TMEM232: variants seen among roughly 807,000 people sequenced by gnomAD.
The protein encoded by TMEM232 is transmembrane protein 232.
TMEM232 carries 80 observed loss-of-function variants against 78.8 expected under a neutral mutation model. The observed-to-expected ratio is 1.01, with a 90% confidence interval of 0.85 to 1.22. The LOEUF (loss-of-function observed/expected upper bound fraction) is 1.22, where lower values mean the gene tolerates loss of function less well. Among genes scored for constraint, TMEM232 ranks in the 50% most tolerant of loss-of-function variants. TMEM232 has a pLI of 0.00. For missense variants in TMEM232, 881 were observed against 742.2 expected, an observed-to-expected ratio of 1.19 and a Z score of -2.17; for synonymous variants, 297 against 254.3, an observed-to-expected ratio of 1.17 and a Z score of -1.60.
At chr5:110,571,998 C>A (rs368926619) in intron 10 of TMEM232, among the ~76,000 whole-genome samples, 2 of 152,014 alleles carry the variant, frequency 1.3e-5, no homozygotes, top group South Asian at 2.1e-4. Context: ...CAATGGGCAG[C>A]AGGAGATTGG....
At chr5:110,588,523 G>A (rs559244676) in intron 10 of TMEM232, among the ~76,000 whole-genome samples, 4 of 152,264 alleles carry the variant, frequency 2.6e-5, no homozygotes, top group Non-Finnish European at 5.9e-5. Flanking sequence ...GCAAAGAGAT[G>A]AGAGATGACA....
chr5:110,568,692 A>G, intron 10 of TMEM232, 67 bp from the exon 11 acceptor site: 2 of 1,380,482 alleles, frequency 1.4e-6, no homozygotes, highest in Non-Finnish European at 1.9e-6. Context: ...TGATTGTGTG[A>G]AACAGAATAA....
chr5:110,463,542 C>CTT (rs1447911858), intron 12 of TMEM232, among the ~76,000 whole-genome samples: 1 of 152,138 alleles, frequency 6.6e-6, no homozygotes, highest in Non-Finnish European at 1.5e-5. Flanking sequence ...ATATTCTAAA[C>CTT]TTTATATGCT....
intron 2 of TMEM232, among the ~76,000 whole-genome samples, chr5:110,403,099 T>C (rs1755664571): frequency 6.6e-6 from 1 of 152,106 alleles, no homozygotes; most frequent in African/African-American, 2.4e-5. Flanking sequence ...CTTTCATGGA[T>C]ATAGGGCCAT....
At chr5:110,597,185 A>AT (rs1040485756) in intron 10 of TMEM232, among the ~76,000 whole-genome samples, 10 of 152,206 alleles carry the variant, frequency 6.6e-5, no homozygotes, top group Admixed American at 5.9e-4. Context: ...TACAATATCA[A>AT]TGTACAAAAA....
At chr5:110,634,340 A>C (rs1308373324) in intron 5 of TMEM232, among the ~76,000 whole-genome samples, 1 of 152,178 alleles carries the variant, frequency 6.6e-6, no homozygotes, top group Non-Finnish European at 1.5e-5. Context: ...CTTTAGACCA[A>C]ATGGACATTA....
intron 10 of TMEM232, among the ~76,000 whole-genome samples, chr5:110,592,960 T>C (rs1055576369): frequency 3.9e-5 from 6 of 152,198 alleles, no homozygotes; most frequent in African/African-American, 1.4e-4. Flanking sequence ...TTGCTCACCA[T>C]ACAAGTATCT....
chr5:110,471,683 C>T (rs1336825595), intron 12 of TMEM232, among the ~76,000 whole-genome samples: 1 of 151,318 alleles, frequency 6.6e-6, no homozygotes, highest in East Asian at 1.9e-4. Context: ...ACCAGTCCTT[C>T]ATTAATGAGA....
At chr5:110,732,599 A>C (rs1443219154) in intron 2 of TMEM232, among the ~76,000 whole-genome samples, 1 of 152,200 alleles carries the variant, frequency 6.6e-6, no homozygotes, top group East Asian at 1.9e-4. Flanking sequence ...CTTATTCACT[A>C]TCAAGAGAAT....
At chr5:110,441,931 T>C (rs1759090034) in intron 12 of TMEM232, among the ~76,000 whole-genome samples, 1 of 152,164 alleles carries the variant, frequency 6.6e-6, no homozygotes, top group Admixed American at 6.5e-5. Flanking sequence ...TTTAGCACTT[T>C]AAACATGTCA....
At chr5:110,709,522 T>C (rs1050824549) in intron 1 of TMEM232, among the ~76,000 whole-genome samples, 2 of 152,068 alleles carry the variant, frequency 1.3e-5, no homozygotes, top group African/African-American at 4.8e-5. Flanking sequence ...AAAATGAAAT[T>C]GTAATCAGGC....
intron 11 of TMEM232, among the ~76,000 whole-genome samples, chr5:110,553,028 C>T (rs1028650378): frequency 6.6e-6 from 1 of 152,136 alleles, no homozygotes; most frequent in African/African-American, 2.4e-5. Flanking sequence ...TCAACTTTAT[C>T]AAAGATCAGA....
At chr5:110,701,429 T>C (rs1795429289) in intron 1 of TMEM232, among the ~76,000 whole-genome samples, 2 of 151,950 alleles carry the variant, frequency 1.3e-5, no homozygotes, top group South Asian at 4.1e-4. Flanking sequence ...CTTATTTCAG[T>C]CTTTGTAATA....
chr5:110,441,677 G>C (rs1175432512), intron 12 of TMEM232, among the ~76,000 whole-genome samples: 2 of 152,144 alleles, frequency 1.3e-5, no homozygotes, highest in African/African-American at 4.8e-5. Flanking sequence ...CTTTTATGCT[G>C]TGATAAATTG....
At chr5:110,481,887 A>G (rs1333180249) in intron 12 of TMEM232, among the ~76,000 whole-genome samples, 1 of 152,204 alleles carries the variant, frequency 6.6e-6, no homozygotes, top group Non-Finnish European at 1.5e-5. Context: ...GTGAAAGCTA[A>G]TAAGAATAGG....
chr5:110,638,035 C>T (rs924628143), intron 5 of TMEM232, among the ~76,000 whole-genome samples, 163 bp downstream of exon 5: 1 of 151,718 alleles, frequency 6.6e-6, no homozygotes, highest in Non-Finnish European at 1.5e-5. Flanking sequence ...AGATATTAAG[C>T]AATAATAACG....
chr5:110,700,509 A>G (rs1256669112), intron 1 of TMEM232, among the ~76,000 whole-genome samples: 2 of 152,092 alleles, frequency 1.3e-5, no homozygotes, highest in Non-Finnish European at 2.9e-5. Flanking sequence ...TCAGATATGC[A>G]GATCAAAATA....
chr5:110,396,079 C>A (rs1158712653), intron 3 of TMEM232, among the ~76,000 whole-genome samples: 1 of 152,146 alleles, frequency 6.6e-6, no homozygotes, highest in Admixed American at 6.6e-5. Context: ...CCCAGTTCTG[C>A]ATGGCTGGGG....
At chr5:110,530,622 G>C (rs1771310340) in intron 11 of TMEM232, among the ~76,000 whole-genome samples, 1 of 152,122 alleles carries the variant, frequency 6.6e-6, no homozygotes, top group Non-Finnish European at 1.5e-5. Flanking sequence ...AAATAAACCA[G>C]GCACAGAAAG....
Sources: allele counts gnomAD v4.1 joint callset (sites outside exome capture counted in the v4.1 genomes callset), GRCh38; gene constraint gnomAD v4.1.1; transcripts MANE v1.5; gene names NCBI Gene and HGNC (gene_info 2026-07-23, HGNC 2026-07-21).